SIAH3: variants seen among roughly 807,000 people sequenced by gnomAD.
SIAH3 encodes the protein seven in absentia homolog 3.
SIAH3 carries 9 observed loss-of-function variants against 12.6 expected under a neutral mutation model. That is an observed-to-expected ratio of 0.72 (90% confidence interval 0.43 to 1.25). SIAH3 has a LOEUF of 1.25. SIAH3 is among the 50% of genes most tolerant of loss of function. The pLI is 0.00. For synonymous variants in SIAH3, 154 were observed against 151.1 expected, an observed-to-expected ratio of 1.02 and a Z score of -0.14; for missense variants, 390 against 365.4, an observed-to-expected ratio of 1.07 and a Z score of -0.55.
chr13:45,785,375 C>T (rs1950524540), intron 1 of SIAH3, among the ~76,000 whole-genome samples: 1 of 152,202 alleles, frequency 6.6e-6, no homozygotes, highest in South Asian at 2.1e-4. Context: ...GCACTTGCCT[C>T]CTCACCCTGC....
At chr13:45,816,466 T>G (rs1406483918) in intron 1 of SIAH3, among the ~76,000 whole-genome samples, 2 of 152,250 alleles carry the variant, frequency 1.3e-5, no homozygotes, top group Non-Finnish European at 2.9e-5. Context: ...GAAAGTAATA[T>G]TCATCTATTT....
chr13:45,784,197 AAAC>A, intron 1 of SIAH3, 140 bp from the exon 2 acceptor site: 1 of 805,182 alleles, frequency 1.2e-6, no homozygotes. Context: ...ACAAACAAAC[AAAC>A]AAACAAACAA....
In SIAH3 at chr13:45,785,093, A is replaced by C. The variant is rs1229094659; in HGVS notation, c.136-1036T>G. 7.2e-5 allele frequency among the ~76,000 whole-genome samples: 11 copies of C among 152,280 alleles called. No individual in the cohort carries two copies. The East Asian group carries it at 2.1e-3, about 29-fold the overall frequency. On this transcript the variant is annotated intron_variant, in intron 1 of 1. Transcript: ENST00000400405. The stretch of plus-strand genomic sequence containing the variant: ...AGCCTGCAAAACTGGTAAGTGAAAG[A>C]CTGGGATTCATCTTCACGCCCCCTG...
At chr13:45,815,069 C>T (rs1365080945) in intron 1 of SIAH3, among the ~76,000 whole-genome samples, 1 of 151,006 alleles carries the variant, frequency 6.6e-6, no homozygotes, top group African/African-American at 2.5e-5. Flanking sequence ...TCTGCACCAA[C>T]CTAATAGACC....
At chr13:45,811,727 A>G (rs573920139) in intron 1 of SIAH3, among the ~76,000 whole-genome samples, 2 of 152,340 alleles carry the variant, frequency 1.3e-5, no homozygotes, top group Admixed American at 1.3e-4. Flanking sequence ...CTGAAGTCAG[A>G]GTTCAGGGCA....
At chr13:45,825,529 T>A (rs910995249) in intron 1 of SIAH3, among the ~76,000 whole-genome samples, 1 of 152,050 alleles carries the variant, frequency 6.6e-6, no homozygotes, top group Non-Finnish European at 1.5e-5. Flanking sequence ...GGGAGTGACA[T>A]CTGAACTGAC....
At chr13:45,789,007 G>C (rs1044018733) in intron 1 of SIAH3, among the ~76,000 whole-genome samples, 11 of 152,158 alleles carry the variant, frequency 7.2e-5, no homozygotes, top group Admixed American at 4.6e-4. Flanking sequence ...AGAGTACTGA[G>C]GTAAAGTCTA....
chr13:45,805,445 T>C (rs1236726839), intron 1 of SIAH3, among the ~76,000 whole-genome samples: 1 of 152,130 alleles, frequency 6.6e-6, no homozygotes. Context: ...TAATCTGATC[T>C]TTGATAAAGT....
intron 1 of SIAH3, 29 bp from the exon 2 acceptor site, chr13:45,784,086 G>A (rs750502461): frequency 5.2e-6 from 8 of 1,539,314 alleles, no homozygotes; most frequent in Non-Finnish European, 6.1e-6. Context: ...ACGTCAGTGC[G>A]GGGATGAGGC....
chr13:45,829,930 C>T (rs752337090), intron 1 of SIAH3, among the ~76,000 whole-genome samples: 14 of 152,212 alleles, frequency 9.2e-5, no homozygotes, highest in Non-Finnish European at 1.6e-4. Context: ...TGTCTGGCTG[C>T]GGTACAGGCC....
At chr13:45,848,024 G>A (rs1056258412) in intron 1 of SIAH3, among the ~76,000 whole-genome samples, 14 of 152,262 alleles carry the variant, frequency 9.2e-5, no homozygotes, top group African/African-American at 3.4e-4. Flanking sequence ...GGCGCCAATG[G>A]GAGTGGAGCC....
intron 1 of SIAH3, among the ~76,000 whole-genome samples, chr13:45,839,015 G>A (rs751166015): frequency 2.0e-5 from 3 of 152,062 alleles, no homozygotes; most frequent in Non-Finnish European, 2.9e-5. Context: ...GGTAGAAGCC[G>A]AGTTAAATTA....
In SIAH3 at chr13:45,797,113, T is replaced by C. The variant is rs533894104; in HGVS notation, c.136-13056A>G. Among the ~76,000 whole-genome samples the C allele has an allele frequency of 1.2e-3, 183 of 151,914 alleles. 2 individuals are homozygous for C. The Middle Eastern group carries it at 0.024, about 20-fold the overall frequency. ...GTCTGCTAAGATAATTAGCCTAATC[T>C]ACTTCAACGCAATTCAAATCGTCTC... On this transcript the variant is annotated intron_variant, in intron 1 of 1. Coordinates refer to ENST00000400405, the MANE Select transcript of SIAH3 (RefSeq NM_198849.3).
At chr13:45,807,396 A>C (rs759049087) in intron 1 of SIAH3, among the ~76,000 whole-genome samples, 1 of 152,226 alleles carries the variant, frequency 6.6e-6, no homozygotes, top group Non-Finnish European at 1.5e-5. Context: ...ATTGTAAAAC[A>C]TAGAATAAAG....
At chr13:45,803,400 TAG>T (rs775419136) in intron 1 of SIAH3, among the ~76,000 whole-genome samples, 3 of 152,080 alleles carry the variant, frequency 2.0e-5, no homozygotes, top group Non-Finnish European at 4.4e-5. Context: ...GGCTGGAAAA[TAG>T]ACAACTACAA....
At position 45,784,036 on chromosome 13, in the gene SIAH3, C is replaced by T. The variant is rs1950516912; in HGVS notation, c.157G>A (p.Val53Ile). 3 of 1,593,844 alleles carry T rather than the reference C, an allele frequency of 1.9e-6. No individual in the cohort carries two copies. In the East Asian group the frequency reaches 6.7e-5, roughly 36 times the overall value. ...NLKYVSSRRA[V>I]TQSAPEQGSF... is the part of the protein sequence containing the mutation. ...CCTTGCTCTGGAGCGCTCTGAGTGA[C>T]GGCGCGCCGACTGGACACATACTGT... The change falls in exon 2 of 2, where the codon GTC becomes ATC. Residue 53 changes from valine (V) to isoleucine (I), a missense_variant. By Grantham distance (29) the Val-to-Ile change is conservative. Transcript: ENST00000400405.
intron 1 of SIAH3, among the ~76,000 whole-genome samples, chr13:45,846,955 G>C (rs1344794187): frequency 6.6e-6 from 1 of 152,234 alleles, no homozygotes; most frequent in East Asian, 1.9e-4. Flanking sequence ...AGAGTGGAGT[G>C]TCATACAATA....
At chr13:45,808,781 A>T (rs1303425949) in intron 1 of SIAH3, among the ~76,000 whole-genome samples, 1 of 152,182 alleles carries the variant, frequency 6.6e-6, no homozygotes, top group Non-Finnish European at 1.5e-5. Context: ...ACAGTAGGGA[A>T]TCTCCATCCT....
At chr13:45,834,405 T>C (rs1022354994) in intron 1 of SIAH3, among the ~76,000 whole-genome samples, 9 of 152,166 alleles carry the variant, frequency 5.9e-5, no homozygotes, top group African/African-American at 2.2e-4. Flanking sequence ...CCTGGGACTT[T>C]CTCTTCTTGC....
Sources: allele counts gnomAD v4.1 joint callset (sites outside exome capture counted in the v4.1 genomes callset), GRCh38; gene constraint gnomAD v4.1.1; transcripts MANE v1.5; gene names NCBI Gene and HGNC (gene_info 2026-07-23, HGNC 2026-07-21).